STIP1: variants seen among roughly 807,000 people sequenced by gnomAD.
STIP1 encodes stress-induced-phosphoprotein 1.
STIP1 carries 16 observed loss-of-function variants against 77.4 expected under a neutral mutation model. The ratio of observed to expected loss-of-function variants is 0.21; its 90% CI spans 0.14 to 0.31. STIP1 has a LOEUF of 0.31. Among genes scored for constraint, STIP1 ranks in the 10% least tolerant of loss-of-function variants. The probability of loss-of-function intolerance (pLI) is 1.00; values close to 1 mark genes in which losing one functional copy is unlikely to be tolerated. For synonymous variants in STIP1, 258 were observed against 246.6 expected (o/e 1.05, Z -0.44); for missense variants, 524 against 684.8 (o/e 0.77, Z 2.62).
upstream of STIP1, chr11:64,185,613 C>A: frequency 1.6e-6 from 1 of 620,094 alleles, no homozygotes; most frequent in South Asian, 2.1e-5. Flanking sequence ...GCCTGGAACT[C>A]GCGGCACTCG....
At chr11:64,199,527 T>C (rs1946191720) in intron 8 of STIP1, among the ~76,000 whole-genome samples, 1 of 142,084 alleles carries the variant, frequency 7.0e-6, no homozygotes, top group Non-Finnish European at 1.5e-5. Context: ...AAGAAAAAAA[T>C]CTTGCCAGCA....
In STIP1 at chr11:64,195,679, A is replaced by T; in HGVS notation, c.538A>T (p.Ser180Cys). 1 of 1,613,952 alleles carries T rather than the reference A, an allele frequency of 6.2e-7. No individual in the cohort carries two copies. Among genetic ancestry groups the T allele is most frequent in the Non-Finnish European group, 8.5e-7 (1 of 1,179,956 alleles). The change falls in exon 5 of 14, where the codon AGC becomes TGC. Residue 180 changes from serine to cysteine, a missense_variant. Physicochemically the swap from Ser to Cys is moderately radical, Grantham distance 112. Transcript: ENST00000305218. ...AGATCCCCGGATCATGACCACTCTC[A>T]GCGTCCTCCTTGGGGTCGATCTGGG... is the stretch of plus-strand genomic sequence containing the variant. ...LQDPRIMTTL[S>C]VLLGVDLGSM...
chr11:64,203,275 GT>G, intron 12 of STIP1, 47 bp downstream of exon 12: 8 of 1,605,176 alleles, frequency 5.0e-6, no homozygotes, highest in Non-Finnish European at 6.8e-6. Context: ...CTCTTTCTCT[GT>G]TGGGGCTTTT....
intron 5 of STIP1, 116 bp from the exon 6 acceptor site, chr11:64,197,155 A>G (rs1946159812): frequency 7.2e-7 from 1 of 1,391,102 alleles, no homozygotes; most frequent in African/African-American, 1.5e-5. Context: ...CCTTCAGGAG[A>G]ACTTGATAGA....
intron 2 of STIP1, 152 bp downstream of exon 2, chr11:64,193,439 A>C: frequency 1.4e-6 from 1 of 691,194 alleles, no homozygotes; most frequent in Non-Finnish European, 2.5e-6. Context: ...TTTTCATCAA[A>C]TCTAAGGTAG....
rs1946112224 is a variant in STIP1, at chr11:64,193,202, C to G, written c.134C>G (p.Ser45Cys). Residue 45 changes from serine to cysteine, a missense_variant, in exon 2 of 14, where the codon TCT becomes TGT. Transcript: ENST00000305218. ...PHNHVLYSNR[S>C]AAYAKKGDYQ... ...AACCACGTGCTGTACAGCAACCGTT[C>G]TGCTGCCTATGCCAAGAAAGGAGAC... is the stretch of plus-strand genomic sequence containing the variant. 1 of 1,614,078 alleles carries G rather than the reference C, an allele frequency of 6.2e-7. No homozygotes were observed. Among genetic ancestry groups the G allele is most frequent in the Non-Finnish European group, 8.5e-7 (1 of 1,180,044 alleles).
At chr11:64,192,805 C>G (rs180761657) in intron 1 of STIP1, among the ~76,000 whole-genome samples, 6 of 152,364 alleles carry the variant, frequency 3.9e-5, no homozygotes, top group Admixed American at 3.9e-4. Context: ...TTCGTGAGCT[C>G]CATGTGGAGA....
intron 12 of STIP1, 32 bp from the exon 13 acceptor site, chr11:64,203,418 C>T (rs775263289): frequency 1.2e-6 from 2 of 1,613,094 alleles, no homozygotes; most frequent in Admixed American, 1.7e-5. Flanking sequence ...GTGGTCCTAA[C>T]ACGCTTCACC....
intron 1 of STIP1, 60 bp from the exon 2 acceptor site, chr11:64,193,018 T>G: frequency 6.5e-7 from 1 of 1,536,454 alleles, no homozygotes; most frequent in Non-Finnish European, 8.9e-7. Flanking sequence ...GAGTGTTGTC[T>G]TTAAAGCTTG....
chr11:64,194,356 CTTA>C (rs764137812), intron 3 of STIP1, 26 bp downstream of exon 3: 3 of 1,612,404 alleles, frequency 1.9e-6, no homozygotes, highest in South Asian at 2.2e-5. Context: ...AGTTTTCTTT[CTTA>C]TTATTAATGT....
At chr11:64,202,071 C>G (rs904891881) in intron 10 of STIP1, among the ~76,000 whole-genome samples, 1 of 152,224 alleles carries the variant, frequency 6.6e-6, no homozygotes, top group Non-Finnish European at 1.5e-5. Flanking sequence ...GTCTTGTGCA[C>G]GCATTGCCTG....
At chr11:64,186,329 GCCGC>G in intron 1 of STIP1, 59 bp downstream of exon 1, 1 of 502,156 alleles carries the variant, frequency 2.0e-6, no homozygotes, top group South Asian at 3.4e-5. Flanking sequence ...CGGTGGCCAG[GCCGC>G]GGTAGGGGGG....
At chr11:64,185,509 G>C (rs1945999261), upstream of STIP1, 1 of 368,916 alleles carries the variant, frequency 2.7e-6, no homozygotes, top group African/African-American at 2.1e-5. Flanking sequence ...GGTAGCTGGC[G>C]CTCGAGGGAC....
rs776037280 is a variant in STIP1 at position 64,194,315 on chromosome 11, G to A, written c.346G>A (p.Glu116Lys). 6 of 1,613,968 alleles carry A rather than the reference G, an allele frequency of 3.7e-6. No homozygotes were observed. Among genetic ancestry groups the A allele is most frequent in the Non-Finnish European group, 4.2e-6 (5 of 1,179,972 alleles). The change falls in exon 3 of 14, where the codon GAG becomes AAG. Residue 116 changes from glutamate (E) to lysine (K), a missense_variant. Physicochemically the swap from Glu to Lys is moderately conservative, Grantham distance 56. Coordinates refer to ENST00000305218, the MANE Select transcript of STIP1 (RefSeq NM_006819.3). ...PQLKEGLQNM[E>K]ARLAERKFMN... ...ACTGAAAGAGGGTTTACAGAATATG[G>A]AGGCCAGGTTGGCAGGTAGGTACCA... is the stretch of plus-strand genomic sequence containing the variant.
At chr11:64,189,088 C>G (rs943180239) in intron 1 of STIP1, among the ~76,000 whole-genome samples, 1 of 152,262 alleles carries the variant, frequency 6.6e-6, no homozygotes, top group South Asian at 2.1e-4. Context: ...CTGGGCCGGG[C>G]GTGCTGGCTC....
In STIP1 at chr11:64,194,277, C is replaced by T; in HGVS notation, c.308C>T (p.Ala103Val). ...TATGAGGAGGGCTTAAAACACGAGGCAAATAACCCTCAACTGAAAGAGGGT... is the reference window on the plus strand; with the variant it reads ...TATGAGGAGGGCTTAAAACACGAGGTAAATAACCCTCAACTGAAAGAGGGT... ...RTYEEGLKHE[A>V]NNPQLKEGLQ... The change falls in exon 3 of 14, where the codon GCA becomes GTA. Residue 103 changes from alanine to valine, a missense_variant. Ala to Val is a moderately conservative substitution (Grantham distance 64). Transcript: ENST00000305218. 1.2e-6 allele frequency: 2 copies of T among 1,614,190 alleles called. No individual in the cohort carries two copies. The highest frequency in any genetic ancestry group is 1.1e-5 in the South Asian group (1 of 91,088).
intron 4 of STIP1, 47 bp from the exon 5 acceptor site, chr11:64,195,598 G>T (rs754271013): frequency 3.3e-6 from 5 of 1,502,162 alleles, no homozygotes; most frequent in Non-Finnish European, 4.5e-6. Flanking sequence ...ACTAATTGTG[G>T]GGAGGAGTAA....
intron 10 of STIP1, among the ~76,000 whole-genome samples, chr11:64,200,631 AATATG>A (rs1946209141): frequency 1.4e-5 from 2 of 145,280 alleles, no homozygotes; most frequent in South Asian, 4.4e-4. Flanking sequence ...GTGTGTGTAA[AATATG>A]GGACCTGTAT....
At chr11:64,186,075 T>C (rs966952786), upstream of STIP1, 2 of 1,548,358 alleles carry the variant, frequency 1.3e-6, no homozygotes, top group East Asian at 4.9e-5. Flanking sequence ...GATGATGGGC[T>C]GGACCTCAAG....
Sources: gnomAD v4.1 joint callset for allele counts (sites outside exome capture counted in the v4.1 genomes callset) on GRCh38, gnomAD v4.1.1 for gene constraint, MANE v1.5 for transcripts, NCBI Gene and HGNC (gene_info 2026-07-23, HGNC 2026-07-21) for gene names.